MEI1: variants seen among roughly 807,000 people sequenced by gnomAD.
MEI1 encodes the protein meiotic double-stranded break formation protein 1, also known as meiosis inhibitor protein 1.
A neutral mutation model predicts 146.2 loss-of-function variants in MEI1; 103 were observed. The ratio of observed to expected loss-of-function variants is 0.70; its 90% CI spans 0.60 to 0.83. The LOEUF (loss-of-function observed/expected upper bound fraction) is 0.83, where lower values mean the gene tolerates loss of function less well. Among genes scored for constraint, MEI1 ranks in the 40% least tolerant of loss-of-function variants. MEI1 has a pLI of 0.00. For missense variants in MEI1, 1,529 were observed against 1,533.0 expected (o/e 1.00, Z 0.04); for synonymous variants, 652 against 628.2 (o/e 1.04, Z -0.57).
At chr22:41,746,589 G>A (rs981119531) in intron 14 of MEI1, among the ~76,000 whole-genome samples, 8 of 152,180 alleles carry the variant, frequency 5.3e-5, no homozygotes, top group Non-Finnish European at 1.0e-4. Context: ...ATTTTGAGCT[G>A]ACTTGAGGTT....
rs1415687636 is a variant in MEI1, at chr22:41,770,882, G to T, written c.2465G>T (p.Gly822Val). 9 of 1,613,994 alleles carry T rather than the reference G, an allele frequency of 5.6e-6. No individual in the cohort carries two copies. The highest frequency in any genetic ancestry group is 7.6e-6 in the Non-Finnish European group (9 of 1,179,898). Residue 822 changes from glycine (G) to valine (V), a missense_variant, in exon 20 of 31, where the codon GGG becomes GTG. Physicochemically the swap from Gly to Val is moderately radical, Grantham distance 109. Around this residue, in one of 3 missense-constraint regions of MEI1, gnomAD observed 1,212 missense variants for 1,178.9 expected, o/e 1.03. Coordinates refer to ENST00000401548, the MANE Select transcript of MEI1 (RefSeq NM_152513.4). The stretch of plus-strand genomic sequence containing the variant: ...GAACTGGATGATGTCACCTCTGCTG[G>T]GCAGCCCGCCCTTCCTGCCAGCTTA... ...YEELDDVTSA[G>V]QPALPASLVV...
intron 6 of MEI1, 25 bp from the exon 7 acceptor site, chr22:41,723,918 A>G (rs374381269): frequency 1.3e-6 from 2 of 1,574,478 alleles, no homozygotes; most frequent in Non-Finnish European, 1.7e-6. Context: ...CTCTTGCCTT[A>G]CTTCCCAATC....
Position 41,699,566 on chromosome 22 carries a change from G to A in MEI1, c.28G>A (p.Gly10Ser), listed in dbSNP as rs751852371. MAVRQAATA[G>S]TPGPRREEEA... Reference sequence around the variant, plus strand: ...GGCTGTGAGGCAGGCGGCGACGGCGGGCACTCCCGGGCCCAGGAGAGAGGA... The same window carrying A: ...GGCTGTGAGGCAGGCGGCGACGGCGAGCACTCCCGGGCCCAGGAGAGAGGA... Residue 10 changes from glycine (G) to serine (S), a missense_variant, in exon 1 of 31, where the codon GGC becomes AGC. Physicochemically the swap from Gly to Ser is moderately conservative, Grantham distance 56. Coordinates refer to ENST00000401548, the MANE Select transcript of MEI1 (RefSeq NM_152513.4). 6.2e-7 allele frequency: 1 copy of A among 1,612,238 alleles called. No homozygotes were observed. Among genetic ancestry groups the A allele is most frequent in the South Asian group, 1.1e-5 (1 of 90,992 alleles).
At chr22:41,725,317 C>T (rs966314841) in intron 7 of MEI1, among the ~76,000 whole-genome samples, 1 of 151,820 alleles carries the variant, frequency 6.6e-6, no homozygotes, top group Non-Finnish European at 1.5e-5. Flanking sequence ...CTTCACCATG[C>T]TGGCCAGGCT....
intron 26 of MEI1, among the ~76,000 whole-genome samples, chr22:41,786,386 C>G (rs751937834): frequency 2.0e-5 from 3 of 152,290 alleles, no homozygotes; most frequent in Non-Finnish European, 2.9e-5. Context: ...AAACAAAACT[C>G]AATTTGGCTT....
intron 22 of MEI1, among the ~76,000 whole-genome samples, chr22:41,780,671 C>T (rs1049399778): frequency 6.6e-6 from 1 of 150,636 alleles, no homozygotes; most frequent in Admixed American, 6.7e-5. Flanking sequence ...GCCTCTACCT[C>T]TCGGGCTCAG....
At chr22:41,712,285 A>C (rs2147295109) in intron 3 of MEI1, among the ~76,000 whole-genome samples, 1 of 142,276 alleles carries the variant, frequency 7.0e-6, no homozygotes, top group East Asian at 2.3e-4. Flanking sequence ...CCCAGGCTGG[A>C]GTGCAGTGGC....
intron 19 of MEI1, chr22:41,767,471 G>A (rs1227284175): frequency 2.3e-6 from 1 of 434,526 alleles, no homozygotes; most frequent in Non-Finnish European, 4.7e-6. Context: ...GTGTGTTAAG[G>A]TATGTGTCTG....
At chr22:41,720,547 C>A (rs2070674630) in intron 6 of MEI1, among the ~76,000 whole-genome samples, 2 of 151,622 alleles carry the variant, frequency 1.3e-5, no homozygotes, top group African/African-American at 2.4e-5. Context: ...CTTCCCACCT[C>A]AGCCTACCGA....
intron 3 of MEI1, among the ~76,000 whole-genome samples, chr22:41,709,040 C>A (rs189915047): frequency 2.7e-4 from 41 of 152,346 alleles, no homozygotes; most frequent in African/African-American, 8.9e-4. Flanking sequence ...CACATCAGTC[C>A]AGCTGTGAAG....
chr22:41,702,533 C>G (rs1239224469), intron 1 of MEI1, among the ~76,000 whole-genome samples: 1 of 151,692 alleles, frequency 6.6e-6, no homozygotes, highest in African/African-American at 2.4e-5. Context: ...CGCAACCTCC[C>G]CTCCCAGATT....
chr22:41,759,632 A>AAATAAATAAATAAATAAATAAAT (rs1569268709), intron 18 of MEI1, among the ~76,000 whole-genome samples: 40 of 135,676 alleles, frequency 2.9e-4, no homozygotes, highest in African/African-American at 1.0e-3. Context: ...TCCGTCTCAA[A>AAATAAATAAATAAATAAATAAAT]AAATAAATAA....
At chr22:41,712,672 ATGTGTGTGTG>A (rs140926503) in intron 3 of MEI1, among the ~76,000 whole-genome samples, 410 of 147,086 alleles carry the variant, frequency 2.8e-3, no homozygotes, top group African/African-American at 8.7e-3. Flanking sequence ...ATAGAAATAG[ATGTGTGTGTG>A]TGTGTGTGTG....
chr22:41,793,032 C>CTTTTTTTTTTTTTTTTTTTTT (rs869223251), intron 26 of MEI1, among the ~76,000 whole-genome samples: 1 of 48,398 alleles, frequency 2.1e-5, no homozygotes, highest in Non-Finnish European at 5.6e-5. Context: ...ACAAAGCATT[C>CTTTTTTTTTTTTTTTTTTTTT]TTTTTTTTTT....
At chr22:41,702,339 C>G (rs1409125812) in intron 1 of MEI1, among the ~76,000 whole-genome samples, 3 of 152,048 alleles carry the variant, frequency 2.0e-5, no homozygotes, top group Non-Finnish European at 2.9e-5. Flanking sequence ...AGAGGTTTCA[C>G]CATGTTGGCC....
chr22:41,755,263 C>T (rs2074018401), intron 17 of MEI1, among the ~76,000 whole-genome samples: 1 of 152,106 alleles, frequency 6.6e-6, no homozygotes, highest in Admixed American at 6.6e-5. Flanking sequence ...TGGGTAAGAC[C>T]TAGTTCTGGC....
intron 7 of MEI1, among the ~76,000 whole-genome samples, chr22:41,728,190 G>T (rs2071537938): frequency 6.6e-6 from 1 of 152,146 alleles, no homozygotes; most frequent in Non-Finnish European, 1.5e-5. Context: ...CACAGTTCAA[G>T]CCTGTGTTGT....
At chr22:41,763,530 G>GATTATT (rs56875800) in intron 19 of MEI1, among the ~76,000 whole-genome samples, 1 of 151,448 alleles carries the variant, frequency 6.6e-6, no homozygotes, top group Non-Finnish European at 1.5e-5. Context: ...GGGAGGAAGA[G>GATTATT]ATTATTTGCA....
At chr22:41,764,269 C>G (rs1023834421) in intron 19 of MEI1, among the ~76,000 whole-genome samples, 28 of 152,172 alleles carry the variant, frequency 1.8e-4, no homozygotes, top group African/African-American at 6.3e-4. Flanking sequence ...TGGAAGTTTC[C>G]TTTTATACAA....
Sources: allele counts gnomAD v4.1 joint callset (sites outside exome capture counted in the v4.1 genomes callset), GRCh38; gene constraint gnomAD v4.1.1; regional missense constraint gnomAD v4.1.1; transcripts MANE v1.5; gene names NCBI Gene and HGNC (gene_info 2026-07-23, HGNC 2026-07-21).